The following RORC variants were observed in gnomAD, a reference collection of about 807,000 sequenced individuals.
RORC encodes nuclear receptor ROR-gamma.
A neutral mutation model predicts 64.5 loss-of-function variants in RORC; 13 were observed. The ratio of observed to expected loss-of-function variants is 0.20; its 90% CI spans 0.13 to 0.32. RORC has a LOEUF of 0.32. Among genes scored for constraint, RORC ranks in the 10% least tolerant of loss-of-function variants. The probability of loss-of-function intolerance (pLI) is 1.00; values close to 1 mark genes in which losing one functional copy is unlikely to be tolerated. For missense variants in RORC, 468 were observed against 669.5 expected (o/e 0.70, Z 3.32); for synonymous variants, 277 against 259.3 (o/e 1.07, Z -0.65).
Position 151,806,223 on chromosome 1 carries a change from C to T in RORC, c.*1249G>A, listed in dbSNP as rs1223966710. ...TGTTAATCCCTCAGGGGAGGGTTCACAGCTGTTTATGAAGCCAAGAGAGGT... is the reference window on the plus strand; with the variant it reads ...TGTTAATCCCTCAGGGGAGGGTTCATAGCTGTTTATGAAGCCAAGAGAGGT... On this transcript the variant is annotated 3_prime_UTR_variant, in exon 11 of 11. Transcript: ENST00000318247. The T allele has an allele frequency of 6.5e-6, 1 of 153,114 alleles. No homozygotes were observed. Among genetic ancestry groups the T allele is most frequent in the Non-Finnish European group, 1.5e-5 (1 of 68,026 alleles). 9.5% of individuals were successfully genotyped at this position (153,114 alleles called of 1,614,324 possible).
chr1:151,829,518 C>G (rs1652327667), intron 1 of RORC, 60 bp from the exon 2 acceptor site: 1 of 1,402,024 alleles, frequency 7.1e-7, no homozygotes, highest in Non-Finnish European at 9.4e-7. Context: ...GGCTGAGACA[C>G]TTTCCCCACT....
At chr1:151,818,384 G>T (rs1416181159) in intron 2 of RORC, among the ~76,000 whole-genome samples, 5 of 152,138 alleles carry the variant, frequency 3.3e-5, no homozygotes, top group African/African-American at 1.2e-4. Flanking sequence ...AGGACCCCGG[G>T]TTCTCTCTCC....
chr1:151,825,444 T>C (rs1026949330), intron 2 of RORC, among the ~76,000 whole-genome samples: 5 of 152,138 alleles, frequency 3.3e-5, no homozygotes, highest in Admixed American at 3.3e-4. Flanking sequence ...CAGTTGACTC[T>C]CGCTGTCCTG....
rs201250362 is a variant in RORC at position 151,811,446 on chromosome 1, G to A, written c.1286-12C>T. 1 of 1,547,364 alleles carries A rather than the reference G, an allele frequency of 6.5e-7. No individual in the cohort carries two copies. The highest frequency in any genetic ancestry group is 8.9e-7 in the Non-Finnish European group (1 of 1,120,728). Reference sequence around the variant, plus strand: ...GAGCCCTGGCCGATCTGGAGGAGGGGGTGGGACCGTAATGAGAACAAGAAA... The same window carrying A: ...GAGCCCTGGCCGATCTGGAGGAGGGAGTGGGACCGTAATGAGAACAAGAAA... On this transcript the variant is annotated splice_polypyrimidine_tract_variant and intron_variant, in intron 9 of 10. Transcript: ENST00000318247.
At chr1:151,816,607 A>C (rs531998565) in intron 4 of RORC, 57 bp downstream of exon 4, 27 of 1,522,214 alleles carry the variant, frequency 1.8e-5, no homozygotes, top group African/African-American at 2.7e-5. Context: ...TCAGCAGGCC[A>C]GGCTGCCCCT....
intron 10 of RORC, among the ~76,000 whole-genome samples, chr1:151,809,153 C>T (rs1290079228): frequency 6.6e-6 from 1 of 152,130 alleles, no homozygotes; most frequent in East Asian, 1.9e-4. Flanking sequence ...AATCCCAACA[C>T]TTTGGGAGGC....
intron 2 of RORC, among the ~76,000 whole-genome samples, chr1:151,825,727 C>T (rs1377258660): frequency 2.6e-5 from 4 of 152,176 alleles, no homozygotes; most frequent in Non-Finnish European, 5.9e-5. Context: ...CAACAGTCCT[C>T]TTACCATTGC....
chr1:151,816,613 C>T (rs1651761989), intron 4 of RORC, 51 bp downstream of exon 4: 1 of 1,533,590 alleles, frequency 6.5e-7, no homozygotes, highest in Non-Finnish European at 8.8e-7. Context: ...GGCCAGGCTG[C>T]CCCTCTGGAG....
chr1:151,828,030 C>T (rs778235429), intron 2 of RORC, among the ~76,000 whole-genome samples: 11 of 151,942 alleles, frequency 7.2e-5, no homozygotes, highest in Non-Finnish European at 1.6e-4. Flanking sequence ...TCCGTGGGGC[C>T]CTGTGGCTAG....
intron 2 of RORC, among the ~76,000 whole-genome samples, chr1:151,825,299 C>T (rs1652149048): frequency 1.3e-5 from 2 of 152,140 alleles, no homozygotes. Flanking sequence ...CACACACATG[C>T]ACACACACGC....
chr1:151,819,126 CT>C (rs772543454), intron 2 of RORC, among the ~76,000 whole-genome samples: 2 of 152,146 alleles, frequency 1.3e-5, no homozygotes, highest in African/African-American at 2.4e-5. Flanking sequence ...TTTCCAGGTT[CT>C]TTCCAGTAAA....
At chr1:151,823,748 C>T (rs1453044250) in intron 2 of RORC, among the ~76,000 whole-genome samples, 1 of 152,160 alleles carries the variant, frequency 6.6e-6, no homozygotes, top group East Asian at 1.9e-4. Flanking sequence ...TCAAACGATC[C>T]TCCTGCCTCA....
In RORC at chr1:151,806,672, GT is replaced by G. The variant is rs1651324585; in HGVS notation, c.*799del. ...GTGTCTCTGGAACTGCATGATTGCTGTTGAGTCTGTATGTGTTTCACCTGTG... is the reference window on the plus strand; with the variant it reads ...GTGTCTCTGGAACTGCATGATTGCTGTGAGTCTGTATGTGTTTCACCTGTG... On this transcript the variant is annotated 3_prime_UTR_variant, in exon 11 of 11. Transcript: ENST00000318247. 6.6e-6 allele frequency: 1 copy of G among 152,222 alleles called. No individual in the cohort carries two copies. The highest frequency in any genetic ancestry group is 2.4e-5 in the African/African-American group (1 of 41,434). 9.4% of individuals were successfully genotyped at this position (152,222 alleles called of 1,614,324 possible).
At chr1:151,813,464 G>A (rs1451990256) in intron 7 of RORC, 24 bp downstream of exon 7, 1 of 1,613,664 alleles carries the variant, frequency 6.2e-7, no homozygotes, top group Non-Finnish European at 8.5e-7. Context: ...TTGTCCCCAG[G>A]CCTGCCCACC....
chr1:151,809,262 G>A (rs1425957687), intron 10 of RORC, among the ~76,000 whole-genome samples: 2 of 151,990 alleles, frequency 1.3e-5, no homozygotes, highest in African/African-American at 4.8e-5. Context: ...AGCCGGGCGT[G>A]TAATCCCTGT....
chr1:151,821,803 G>C (rs1652003155), intron 2 of RORC, among the ~76,000 whole-genome samples: 1 of 152,094 alleles, frequency 6.6e-6, no homozygotes, highest in Non-Finnish European at 1.5e-5. Flanking sequence ...TGATTGTGGT[G>C]GTCTAGGAAC....
intron 2 of RORC, among the ~76,000 whole-genome samples, chr1:151,820,457 T>G (rs945373263): frequency 5.9e-5 from 9 of 152,064 alleles, no homozygotes; most frequent in Non-Finnish European, 1.3e-4. Context: ...ACTTACCATC[T>G]AAGGGCCTGC....
At chr1:151,825,148 C>T (rs760284759) in intron 2 of RORC, among the ~76,000 whole-genome samples, 2 of 152,132 alleles carry the variant, frequency 1.3e-5, no homozygotes, top group Non-Finnish European at 2.9e-5. Flanking sequence ...AACTGTTGGC[C>T]CAGGGCTCCA....
intron 8 of RORC, 73 bp from the exon 9 acceptor site, chr1:151,813,130 G>A: frequency 2.1e-6 from 3 of 1,460,532 alleles, no homozygotes; most frequent in South Asian, 2.3e-5. Flanking sequence ...CCCTTATTGT[G>A]TTTAGAGCAG....
Sources: gnomAD v4.1 joint callset for allele counts (sites outside exome capture counted in the v4.1 genomes callset) on GRCh38, gnomAD v4.1.1 for gene constraint, MANE v1.5 for transcripts, NCBI Gene and HGNC (gene_info 2026-07-23, HGNC 2026-07-21) for gene names.